Variants in DPRX observed in about 807,000 individuals in gnomAD.
DPRX encodes the protein divergent-paired related homeobox, also known as divergent paired-related homeobox.
In DPRX, 11 loss-of-function variants were observed where a neutral mutation model predicts 8.4. The observed-to-expected ratio is 1.31, with a 90% CI of 0.82 to 2.17. DPRX has a LOEUF of 2.17. Ranked by LOEUF, DPRX falls within the 30% of genes most tolerant of loss-of-function variation. DPRX has a pLI of 0.00. For missense variants in DPRX, 211 were observed against 236.7 expected (o/e 0.89, Z 0.71); for synonymous variants, 72 against 87.0 (o/e 0.83, Z 0.96).
At chr19:53,608,170 CAAAA>C in the DPRX span, 50 of 120,244 alleles carry the variant, frequency 4.2e-4, no homozygotes, top group African/African-American at 1.4e-3. Flanking sequence ...GACTCCATCT[CAAAA>C]AAAAAAAGTA....
rs569948300 is a variant in DPRX, at chr19:53,636,499, G to A, written c.184-97G>A. ...AAAAGAATATAAATAAATAAAATAC[G>A]TTTAACAAAATAAAAATTAAAAAGT... On this transcript the variant is annotated intron_variant, in intron 2 of 2. Coordinates refer to ENST00000376650, the Ensembl canonical transcript of DPRX. 2,121 of 1,009,182 alleles carry A rather than the reference G, an allele frequency of 2.1e-3. 1 individual carries two copies. The highest frequency in any genetic ancestry group is 3.0e-3 in the South Asian group (70 of 23,210). The allele number at this position is 1,009,182 out of a possible 1,614,324, so 62.5% of individuals were successfully genotyped here.
chr19:53,637,004 A>G (rs374553934), exon 3 of DPRX: 3 of 1,576,810 alleles, frequency 1.9e-6, no homozygotes, highest in Non-Finnish European at 2.6e-6. Flanking sequence ...ACAAAAAGTC[A>G]CATGTTGTAA....
chr19:53,632,208 A>G (rs2091095303), intron 1 of DPRX, 74 bp downstream of exon 1: 1 of 1,608,494 alleles, frequency 6.2e-7, no homozygotes, highest in Admixed American at 1.7e-5. Flanking sequence ...GGGAAAAGGC[A>G]GAGGGACCAG....
At chr19:53,608,237 A>T in the DPRX span, 64,709 of 142,694 alleles carry the variant, frequency 0.45, 14,446 homozygotes, top group African/African-American at 0.56. Context: ...TTAAAAAATA[A>T]AAAAAAATAA....
the DPRX span, among the ~76,000 whole-genome samples, chr19:53,614,312 G>A: frequency 5.0e-3 from 756 of 152,270 alleles, 1 homozygote; most frequent in Middle Eastern, 0.017. Flanking sequence ...CTACTTGGAG[G>A]CTGAGAAGGA....
chr19:53,609,792 C>T, the DPRX span, among the ~76,000 whole-genome samples: 1 of 151,938 alleles, frequency 6.6e-6, no homozygotes, highest in Admixed American at 6.6e-5. Context: ...TGGGACCAGC[C>T]TGGCCAACAT....
chr19:53,617,574 AAG>A, the DPRX span, among the ~76,000 whole-genome samples: 2 of 139,628 alleles, frequency 1.4e-5, no homozygotes, highest in Non-Finnish European at 1.6e-5. Flanking sequence ...AAAAAAAAAA[AAG>A]AAAAAAAAAA....
chr19:53,633,938 C>T (rs2091102496), intron 1 of DPRX, among the ~76,000 whole-genome samples: 1 of 152,054 alleles, frequency 6.6e-6, no homozygotes, highest in African/African-American at 2.4e-5. Context: ...GCAAGGGATC[C>T]CATATTTAAA....
the DPRX span, among the ~76,000 whole-genome samples, chr19:53,611,211 C>A: frequency 1.5e-4 from 23 of 151,958 alleles, no homozygotes; most frequent in African/African-American, 5.3e-4. Flanking sequence ...CACAAAGTGA[C>A]CTTCTAAAAA....
chr19:53,612,445 G>T, the DPRX span, among the ~76,000 whole-genome samples: 873 of 152,240 alleles, frequency 5.7e-3, 10 homozygotes, highest in African/African-American at 0.02. Flanking sequence ...AGTGGCTCAC[G>T]CCTGTAATCC....
the DPRX span, among the ~76,000 whole-genome samples, chr19:53,617,965 C>T: frequency 3.3e-5 from 5 of 151,810 alleles, no homozygotes; most frequent in South Asian, 4.1e-4. Flanking sequence ...TGTTGAAACC[C>T]CATCTCTACT....
the DPRX span, among the ~76,000 whole-genome samples, chr19:53,612,835 C>T: frequency 6.6e-6 from 1 of 152,098 alleles, no homozygotes; most frequent in Non-Finnish European, 1.5e-5. Context: ...AGGGGTCGGG[C>T]GGACGGGGAA....
chr19:53,636,186 T>C (rs2091111234), intron 2 of DPRX, among the ~76,000 whole-genome samples: 2 of 151,738 alleles, frequency 1.3e-5, no homozygotes, highest in Admixed American at 6.6e-5. Context: ...GCCAATATGG[T>C]GAAACCCTGT....
chr19:53,622,118 C>T, the DPRX span, among the ~76,000 whole-genome samples: 2 of 152,164 alleles, frequency 1.3e-5, no homozygotes, highest in Non-Finnish European at 2.9e-5. Flanking sequence ...TTTCTCCCAA[C>T]CTGGTGATGT....
At chr19:53,604,369 A>C in the DPRX span, 2 of 152,774 alleles carry the variant, frequency 1.3e-5, no homozygotes, top group African/African-American at 4.8e-5. Context: ...TGGGAACCCC[A>C]TCAATCCTCA....
At chr19:53,628,563 AC>A (rs2091079498), upstream of DPRX, among the ~76,000 whole-genome samples, 2 of 151,358 alleles carry the variant, frequency 1.3e-5, no homozygotes. Context: ...TGCAACCACC[AC>A]CTCTAGGTAG....
At chr19:53,636,220 G>A (rs536001665) in intron 2 of DPRX, among the ~76,000 whole-genome samples, 1 of 152,006 alleles carries the variant, frequency 6.6e-6, no homozygotes, top group Non-Finnish European at 1.5e-5. Context: ...ACAAAAATTA[G>A]CCAGGCATAG....
the DPRX span, among the ~76,000 whole-genome samples, chr19:53,623,306 C>CAAA: frequency 1.3e-5 from 1 of 77,726 alleles, no homozygotes; most frequent in East Asian, 4.7e-4. Flanking sequence ...GACTCTGTCT[C>CAAA]AAAAAAATAA....
intron 1 of DPRX, among the ~76,000 whole-genome samples, chr19:53,632,447 C>T (rs1293998564): frequency 2.0e-5 from 3 of 148,442 alleles, no homozygotes; most frequent in Admixed American, 6.9e-5. Context: ...ATGACAGGCA[C>T]ACGCCACCAC....
Sources: gnomAD v4.1 joint callset for allele counts (sites outside exome capture counted in the v4.1 genomes callset) on GRCh38, gnomAD v4.1.1 for gene constraint, MANE v1.5 for transcripts, NCBI Gene and HGNC (gene_info 2026-07-23, HGNC 2026-07-21) for gene names.